The following ANO6 variants were observed in gnomAD, a reference collection of about 807,000 sequenced individuals.
ANO6 encodes anoctamin 6.
Under a neutral mutation model 117.5 loss-of-function variants are expected in ANO6, and 106 were observed. The observed-to-expected ratio is 0.90, with a 90% CI of 0.77 to 1.06. The LOEUF is 1.06. Ranked by LOEUF, ANO6 falls within the 50% of genes least tolerant of loss-of-function variation. The pLI, the probability that ANO6 is intolerant of heterozygous loss-of-function variation, is 0.00. For synonymous variants in ANO6, 367 were observed against 385.1 expected (o/e 0.95, Z 0.55); for missense variants, 955 against 1,121.1 (o/e 0.85, Z 2.12).
intron 3 of ANO6, among the ~76,000 whole-genome samples, chr12:45,343,343 A>T (rs1365350693): frequency 6.6e-6 from 1 of 152,158 alleles, no homozygotes; most frequent in Non-Finnish European, 1.5e-5. Flanking sequence ...CTTGGGCCTG[A>T]GCTTTCACAT....
At chr12:45,257,848 G>A (rs558034306) in intron 1 of ANO6, among the ~76,000 whole-genome samples, 88 of 152,180 alleles carry the variant, frequency 5.8e-4, no homozygotes, top group African/African-American at 1.7e-3. Context: ...CAAACTTTGC[G>A]AAGATTATAA....
At chr12:45,267,436 T>C (rs1393104796) in intron 1 of ANO6, among the ~76,000 whole-genome samples, 1 of 152,200 alleles carries the variant, frequency 6.6e-6, no homozygotes, top group Non-Finnish European at 1.5e-5. Context: ...TGAGGTACTT[T>C]GGGTTAGGGC....
intron 8 of ANO6, among the ~76,000 whole-genome samples, chr12:45,361,723 T>C (rs1335417470): frequency 6.6e-6 from 1 of 152,116 alleles, no homozygotes; most frequent in Non-Finnish European, 1.5e-5. Context: ...TGCCAGATGC[T>C]CTTTCTGTGT....
At chr12:45,409,790 CTG>C (rs1287565237) in intron 16 of ANO6, among the ~76,000 whole-genome samples, 1 of 152,176 alleles carries the variant, frequency 6.6e-6, no homozygotes, top group Non-Finnish European at 1.5e-5. Flanking sequence ...GAGTCTCACT[CTG>C]TAGCCCAGGC....
intron 8 of ANO6, among the ~76,000 whole-genome samples, chr12:45,362,675 C>T (rs1941585390): frequency 6.6e-6 from 1 of 151,430 alleles, no homozygotes; most frequent in Non-Finnish European, 1.5e-5. Context: ...CATTTTAATT[C>T]CATTATTGTT....
At chr12:45,244,400 A>T (rs1016734807) in intron 1 of ANO6, among the ~76,000 whole-genome samples, 2 of 79,112 alleles carry the variant, frequency 2.5e-5, no homozygotes, top group Non-Finnish European at 4.3e-5. Flanking sequence ...GGGCTTCTCT[A>T]TTTGGGGGGG....
Position 45,402,996 on chromosome 12 carries a change from T to C in ANO6, c.1613-76T>C, listed in dbSNP as rs1245028368. 24 of 1,326,844 alleles carry C rather than the reference T, an allele frequency of 1.8e-5. 1 individual carries two copies. Among genetic ancestry groups the C allele is most frequent in the South Asian group, 2.4e-5 (2 of 84,092 alleles). The allele number at this position is 1,326,844 out of a possible 1,614,324, so 82.2% of individuals were successfully genotyped here. On this transcript the variant is annotated intron_variant, in intron 13 of 19. Transcript: ENST00000320560. ...TTAACGTGTTTAACGTGTTAACTCA[T>C]GTATCAGTATTTTTTATTAGAGTCT...
At chr12:45,433,330 G>A (rs1943669621), downstream of ANO6, among the ~76,000 whole-genome samples, 2 of 152,190 alleles carry the variant, frequency 1.3e-5, no homozygotes, top group South Asian at 4.1e-4. Flanking sequence ...TCCTTCTCAT[G>A]TGGATGGTCT....
intron 13 of ANO6, 143 bp downstream of exon 13, chr12:45,402,163 T>C: frequency 1.5e-6 from 1 of 689,346 alleles, no homozygotes. Context: ...TTCTCTAGCA[T>C]GTATGGAAAT....
chr12:45,429,617 G>T lies in ANO6; in HGVS notation c.*306G>T, dbSNP rs1565777904. ...AAACCACCCCTTCTAAAGTAGAATG[G>T]ATTCTTTTTTTTCTGTTTGATTATT... On this transcript the variant is annotated 3_prime_UTR_variant, in exon 20 of 20. Coordinates refer to ENST00000320560, the MANE Select transcript of ANO6 (RefSeq NM_001025356.3). 6.8e-6 allele frequency: 8 copies of T among 1,172,754 alleles called. No homozygotes were observed. Among genetic ancestry groups the T allele is most frequent in the Admixed American group, 4.4e-5 (1 of 22,512 alleles). The allele number at this position is 1,172,754 out of a possible 1,614,324, so 72.6% of individuals were successfully genotyped here.
At chr12:45,328,756 G>C (rs570736911) in intron 2 of ANO6, among the ~76,000 whole-genome samples, 2 of 152,116 alleles carry the variant, frequency 1.3e-5, no homozygotes, top group South Asian at 4.1e-4. Context: ...TATTATTACA[G>C]TTTTTTTCCC....
At chr12:45,367,921 A>G (rs1483911847) in intron 9 of ANO6, 128 bp downstream of exon 9, 5 of 723,630 alleles carry the variant, frequency 6.9e-6, no homozygotes, top group African/African-American at 1.8e-5. Flanking sequence ...TAACCTTTCA[A>G]ACATTCTGGA....
intron 1 of ANO6, chr12:45,228,128 T>C: frequency 6.8e-6 from 2 of 293,424 alleles, no homozygotes; most frequent in Admixed American, 8.3e-5. Context: ...GTGTTGTTTT[T>C]TTTTTTTTTT....
chr12:45,335,601 G>C (rs1940801728), intron 3 of ANO6: 1 of 151,916 alleles, frequency 6.6e-6, no homozygotes, highest in Admixed American at 6.6e-5. Context: ...GGATCATTTT[G>C]GATTTTCAGA....
chr12:45,428,879 A>C (rs1431262003), intron 19 of ANO6, among the ~76,000 whole-genome samples: 1 of 152,196 alleles, frequency 6.6e-6, no homozygotes, highest in Non-Finnish European at 1.5e-5. Flanking sequence ...ATGTGTGTAT[A>C]TATACTTTTC....
At chr12:45,389,475 T>G (rs1942385340) in intron 11 of ANO6, among the ~76,000 whole-genome samples, 1 of 152,254 alleles carries the variant, frequency 6.6e-6, no homozygotes, top group Non-Finnish European at 1.5e-5. Context: ...GACAATTTGG[T>G]CATTTAAACC....
chr12:45,323,369 A>G (rs971988081), intron 2 of ANO6, among the ~76,000 whole-genome samples: 2 of 152,202 alleles, frequency 1.3e-5, no homozygotes, highest in African/African-American at 4.8e-5. Context: ...CACAACACCT[A>G]TTAAAGACAG....
intron 1 of ANO6, among the ~76,000 whole-genome samples, chr12:45,273,141 G>GC (rs1938442342): frequency 1.3e-5 from 2 of 152,222 alleles, no homozygotes; most frequent in South Asian, 4.2e-4. Flanking sequence ...ATTGCCGGGG[G>GC]GCTGGGGGAA....
Position 45,378,528 on chromosome 12 carries a change from G to T in ANO6, c.1165+415G>T, listed in dbSNP as rs574091235. ...CTCATCTTCAAGTAGGCTAGCCCAG[G>T]AGTCTTGGTTTCAGGGTTCCAAAGA... On this transcript the variant is annotated intron_variant, in intron 10 of 19. Coordinates refer to ENST00000320560, the MANE Select transcript of ANO6 (RefSeq NM_001025356.3). Among the ~76,000 whole-genome samples the T allele has an allele frequency of 2.6e-5, 4 of 152,174 alleles. No individual in the cohort carries two copies. The South Asian group carries it at 8.3e-4, about 32-fold the overall frequency.
Sources: gnomAD v4.1 joint callset for allele counts (sites outside exome capture counted in the v4.1 genomes callset) on GRCh38, gnomAD v4.1.1 for gene constraint, MANE v1.5 for transcripts, NCBI Gene and HGNC (gene_info 2026-07-23, HGNC 2026-07-21) for gene names.